The following IREB2 variants were observed in gnomAD, a reference collection of about 807,000 sequenced individuals.
The protein encoded by IREB2 is iron responsive element binding protein 2.
A neutral mutation model predicts 118.8 loss-of-function variants in IREB2; 39 were observed. The observed-to-expected ratio is 0.33, with a 90% confidence interval of 0.25 to 0.43. IREB2 has a LOEUF of 0.43. IREB2 is among the 20% of genes least tolerant of loss of function. IREB2 has a pLI of 1.00. For synonymous variants in IREB2, 372 were observed against 392.2 expected (o/e 0.95, Z 0.61); for missense variants, 900 against 1,147.3 (o/e 0.78, Z 3.11).
intron 8 of IREB2, chr15:78,475,894 C>T (rs2051461293): frequency 9.7e-6 from 2 of 205,572 alleles, no homozygotes; most frequent in African/African-American, 4.6e-5. Context: ...AACAGACACA[C>T]TATTGAGTTG....
intron 7 of IREB2, 30 bp downstream of exon 7, chr15:78,471,954 C>CT: frequency 1.4e-6 from 2 of 1,455,552 alleles, no homozygotes; most frequent in Non-Finnish European, 1.9e-6. Context: ...TATTTCATTT[C>CT]TTTTGGGGTA....
chr15:78,465,795 A>G (rs1167144342), intron 4 of IREB2, among the ~76,000 whole-genome samples: 1 of 152,148 alleles, frequency 6.6e-6, no homozygotes, highest in African/African-American at 2.4e-5. Flanking sequence ...AGTTTCTTGT[A>G]TTTATAAGGC....
intron 10 of IREB2, among the ~76,000 whole-genome samples, chr15:78,482,602 C>T (rs1261503902): frequency 2.0e-5 from 3 of 152,102 alleles, no homozygotes; most frequent in South Asian, 2.1e-4. Flanking sequence ...GTTTACTAAC[C>T]GTTTACCTCT....
rs777351203 is a variant in IREB2, at chr15:78,487,793, C to T, written c.1770C>T (p.Asp590=). The stretch of plus-strand genomic sequence containing the variant: ...TGGGAAATACAGCACCCTTATCAGA[C>T]GCAGTTTTAAATGCAGTAAAACAGG... The part of the protein sequence containing the change: ...ICVGNTAPLS[D]AVLNAVKQGD... The change falls in exon 14 of 22, where the codon GAC becomes GAT. Residue 590 remains aspartate, a synonymous_variant. Transcript: ENST00000258886. 1.2e-5 allele frequency: 20 copies of T among 1,604,340 alleles called. No homozygotes were observed. Among genetic ancestry groups the T allele is most frequent in the South Asian group, 4.4e-5 (4 of 90,728 alleles).
upstream of IREB2, chr15:78,438,075 AC>A: frequency 2.0e-6 from 1 of 489,382 alleles, no homozygotes; most frequent in Non-Finnish European, 3.7e-6. Flanking sequence ...AACAGCGGCG[AC>A]GGCGCGAGAA....
chr15:78,476,290 C>G lies in IREB2; in HGVS notation c.1126C>G (p.Pro376Ala). Reference sequence around the variant, plus strand: ...TCGAACTACAATAGCAAACATGTGTCCGGAATATGGTGCTATCCTCAGCTT... The same window carrying G: ...TCGAACTACAATAGCAAACATGTGTGCGGAATATGGTGCTATCCTCAGCTT... The part of the protein sequence containing the change: ...VDRTTIANMC[P>A]EYGAILSFFP... Residue 376 changes from proline to alanine, a missense_variant, in exon 9 of 22, where the codon CCG (proline) becomes GCG (alanine). By Grantham distance (27) the Pro-to-Ala change is conservative. Transcript: ENST00000258886. The G allele has an allele frequency of 3.7e-6, 6 of 1,609,040 alleles. No homozygotes were observed. Among genetic ancestry groups the G allele is most frequent in the African/African-American group, 1.3e-5 (1 of 74,948 alleles).
chr15:78,473,406 A>AACG (rs1566979496), intron 8 of IREB2, 25 bp downstream of exon 8: 2 of 1,595,420 alleles, frequency 1.3e-6, no homozygotes, highest in African/African-American at 2.7e-5. Context: ...TGGTAGCTCT[A>AACG]TGACTTACTG....
chr15:78,471,433 T>G (rs1467961727), intron 6 of IREB2, among the ~76,000 whole-genome samples: 4 of 152,226 alleles, frequency 2.6e-5, no homozygotes, highest in Admixed American at 2.0e-4. Context: ...GAGAGAGAGC[T>G]TGGAGGGAGG....
chr15:78,468,171 A>G (rs1035837458), intron 5 of IREB2, among the ~76,000 whole-genome samples: 1 of 152,112 alleles, frequency 6.6e-6, no homozygotes, highest in Non-Finnish European at 1.5e-5. Flanking sequence ...TATTTTTAAG[A>G]GAGTTATGTG....
In IREB2 at chr15:78,500,678, T is replaced by C. The variant is rs960194642; in HGVS notation, c.*2535T>C. 1.3e-5 allele frequency: 2 copies of C among 152,174 alleles called. No individual in the cohort carries two copies. The highest frequency in any genetic ancestry group is 4.8e-5 in the African/African-American group (2 of 41,428). The allele number at this position is 152,174 out of a possible 1,614,324, so 9.4% of individuals were successfully genotyped here. A position where few individuals can be genotyped will look rare whatever the true frequency, so the allele number is the denominator to read the frequency against. On this transcript the variant is annotated 3_prime_UTR_variant, in exon 22 of 22. Transcript: ENST00000258886. ...TACTTTGAAAACATTATGCTACATA[T>C]CATTGCCATTTTCATATTTTGGGGT...
intron 6 of IREB2, 123 bp from the exon 7 acceptor site, chr15:78,471,618 T>G (rs529894816): frequency 5.7e-5 from 31 of 541,370 alleles, no homozygotes; most frequent in Non-Finnish European, 8.3e-5. Flanking sequence ...CTATGTGATA[T>G]GAACTTTGTA....
Position 78,473,375 on chromosome 15 carries a change from T to C in IREB2, c.1017T>C (p.Ile339=), listed in dbSNP as rs1429228150. The C allele has an allele frequency of 1.2e-6, 2 of 1,613,200 alleles. No homozygotes were observed. Among genetic ancestry groups the C allele is most frequent in the Non-Finnish European group, 1.7e-6 (2 of 1,179,540 alleles). Residue 339 remains isoleucine (I), a synonymous_variant, in exon 8 of 22, where the codon ATT becomes ATC. Transcript: ENST00000258886. ...FVTSIDVVLG[I]TKHLRQVGVA... ...CATCCATAGATGTTGTTCTTGGTAT[T>C]ACAAAGGTAAGTTAAAGTTGTGGTA... is the stretch of plus-strand genomic sequence containing the variant.
At chr15:78,447,462 C>T (rs565108656) in intron 2 of IREB2, among the ~76,000 whole-genome samples, 67 of 152,004 alleles carry the variant, frequency 4.4e-4, no homozygotes, top group Non-Finnish European at 7.1e-4. Flanking sequence ...TCCTGAGTAG[C>T]TGGGATTACA....
At chr15:78,487,160 T>C (rs2051674522) in intron 13 of IREB2, among the ~76,000 whole-genome samples, 1 of 146,702 alleles carries the variant, frequency 6.8e-6, no homozygotes, top group African/African-American at 2.5e-5. Flanking sequence ...TGGTTGATAA[T>C]TGAGAGATTA....
chr15:78,473,151 T>G lies in IREB2; in HGVS notation c.884-91T>G, dbSNP rs575591973. 1.2e-4 allele frequency: 145 copies of G among 1,240,114 alleles called. No individual in the cohort carries two copies. The African/African-American group carries it at 1.9e-3, about 16-fold the overall frequency. The allele number at this position is 1,240,114 out of a possible 1,614,324, so 76.8% of individuals were successfully genotyped here. ...CAACTCTGCAAAGTACTGTGTAAGA[T>G]AAGCTCATGAAACACCTAGAGATTC... is the stretch of plus-strand genomic sequence containing the variant. On this transcript the variant is annotated intron_variant, in intron 7 of 21. Transcript: ENST00000258886.
chr15:78,453,994 T>C (rs1043805739), intron 2 of IREB2, among the ~76,000 whole-genome samples: 11 of 152,182 alleles, frequency 7.2e-5, no homozygotes, highest in African/African-American at 2.2e-4. Context: ...CAAATTACCA[T>C]TCATACCTGT....
intron 10 of IREB2, 125 bp downstream of exon 10, chr15:78,478,522 G>A: frequency 3.5e-6 from 2 of 572,750 alleles, no homozygotes; most frequent in African/African-American, 3.8e-5. Flanking sequence ...GGGCAATATG[G>A]TAAAACCCTG....
rs2051898986 is a variant in IREB2 at position 78,499,373 on chromosome 15, T to A, written c.*1230T>A. 1 of 152,230 alleles carries A rather than the reference T, an allele frequency of 6.6e-6. No homozygotes were observed. The highest frequency in any genetic ancestry group is 1.5e-5 in the Non-Finnish European group (1 of 68,034). 9.4% of individuals were successfully genotyped at this position (152,230 alleles called of 1,614,324 possible). A position where few individuals can be genotyped will look rare whatever the true frequency, so the allele number is the denominator to read the frequency against. On this transcript the variant is annotated 3_prime_UTR_variant, in exon 22 of 22. Coordinates refer to ENST00000258886, the MANE Select transcript of IREB2 (RefSeq NM_004136.4). ...ATTATAGAAGGTTCTATACTGTTTT[T>A]TTAATTAAGAAACTAAGTCTAGCAG...
intron 2 of IREB2, among the ~76,000 whole-genome samples, chr15:78,455,986 C>T (rs1192731750): frequency 6.6e-6 from 1 of 152,176 alleles, no homozygotes; most frequent in Non-Finnish European, 1.5e-5. Context: ...CTCCTCAGTG[C>T]TGCTCAATAG....
Sources: gnomAD v4.1 joint callset for allele counts (sites outside exome capture counted in the v4.1 genomes callset) on GRCh38, gnomAD v4.1.1 for gene constraint, MANE v1.5 for transcripts, NCBI Gene and HGNC (gene_info 2026-07-23, HGNC 2026-07-21) for gene names.